The following STARD13 variants were observed in gnomAD, a reference collection of about 807,000 sequenced individuals.
STARD13 encodes the protein stAR-related lipid transfer protein 13.
Under a neutral mutation model 106.4 loss-of-function variants are expected in STARD13, and 62 were observed. The ratio of observed to expected loss-of-function variants is 0.58; its 90% CI spans 0.48 to 0.72. The LOEUF (loss-of-function observed/expected upper bound fraction) is 0.72. Among genes scored for constraint, STARD13 ranks in the 30% least tolerant of loss-of-function variants. The pLI, the probability that STARD13 is intolerant of heterozygous loss-of-function variation, is 0.00. For missense variants in STARD13, 1,387 were observed against 1,424.0 expected (o/e 0.97, Z 0.42); for synonymous variants, 565 against 553.0 (o/e 1.02, Z -0.31).
At chr13:33,307,799 G>A (rs569295024) in intron 1 of STARD13, among the ~76,000 whole-genome samples, 1 of 152,288 alleles carries the variant, frequency 6.6e-6, no homozygotes, top group African/African-American at 2.4e-5. Context: ...TCCTACGCAT[G>A]TATCCTGGAA....
At chr13:33,456,791 C>T in the STARD13 span, among the ~76,000 whole-genome samples, 3 of 152,194 alleles carry the variant, frequency 2.0e-5, no homozygotes, top group Admixed American at 1.3e-4. Context: ...AACCAGAAAG[C>T]AGGCACTGAA....
At chr13:33,311,541 C>T (rs1336781908) in intron 1 of STARD13, among the ~76,000 whole-genome samples, 1 of 152,190 alleles carries the variant, frequency 6.6e-6, no homozygotes, top group Non-Finnish European at 1.5e-5. Flanking sequence ...TTGCAAAATG[C>T]AGATAGGAGA....
chr13:33,551,618 A>ATTT, the STARD13 span, among the ~76,000 whole-genome samples: 1 of 58,840 alleles, frequency 1.7e-5, no homozygotes, highest in African/African-American at 6.3e-5. Flanking sequence ...TTTTTTTTTG[A>ATTT]GTTGGAGTCT....
rs1457474060 is a variant in STARD13 at position 33,105,614 on chromosome 13, C to T, written c.3321G>A (p.Glu1107=). The T allele has an allele frequency of 2.5e-6, 4 of 1,614,052 alleles. No individual in the cohort carries two copies. The highest frequency in any genetic ancestry group is 3.3e-5 in the Admixed American group (2 of 60,028). Residue 1107 remains glutamate, a synonymous_variant, in exon 14 of 14, where the codon GAG becomes GAA. Coordinates refer to ENST00000336934, the MANE Select transcript of STARD13 (RefSeq NM_178006.4). ...IRNSFQPLIA[E]GPETKI ...AAACTCAGATTTTAGTTTCTGGGCC[C>T]TCAGCAATGAGGGGCTGGAAAGAGT...
chr13:33,148,707 T>C (rs1184109927), intron 3 of STARD13, among the ~76,000 whole-genome samples: 1 of 152,188 alleles, frequency 6.6e-6, no homozygotes, highest in Non-Finnish European at 1.5e-5. Context: ...ACTCGAGAAA[T>C]TGCACTTCTA....
At chr13:33,675,644 G>A in the STARD13 span, among the ~76,000 whole-genome samples, 2 of 152,128 alleles carry the variant, frequency 1.3e-5, no homozygotes, top group East Asian at 3.9e-4. Context: ...GTACAGTGAG[G>A]GTTTGGAGAT....
intron 8 of STARD13, among the ~76,000 whole-genome samples, chr13:33,117,069 T>G (rs1328631750): frequency 6.6e-5 from 10 of 152,192 alleles, no homozygotes; most frequent in Admixed American, 6.5e-4. Context: ...TAATTCATAA[T>G]GTTAACATTG....
the STARD13 span, among the ~76,000 whole-genome samples, chr13:33,457,050 GT>G: frequency 6.6e-6 from 1 of 152,238 alleles, no homozygotes; most frequent in Non-Finnish European, 1.5e-5. Flanking sequence ...GTGACAGAGT[GT>G]TTGTGACAAG....
At chr13:33,397,625 GTA>G in the STARD13 span, among the ~76,000 whole-genome samples, 6 of 152,308 alleles carry the variant, frequency 3.9e-5, no homozygotes, top group African/African-American at 1.4e-4. Context: ...TGACAGAGAT[GTA>G]GCTTTCTGGA....
chr13:33,242,596 A>G (rs1889584285), intron 1 of STARD13, among the ~76,000 whole-genome samples: 1 of 152,180 alleles, frequency 6.6e-6, no homozygotes, highest in African/African-American at 2.4e-5. Context: ...TCAAGTACCC[A>G]GGGACACAAA....
the STARD13 span, among the ~76,000 whole-genome samples, chr13:33,655,023 A>G: frequency 1.3e-5 from 2 of 152,338 alleles, no homozygotes; most frequent in Admixed American, 6.5e-5. Context: ...TGTGTTAAGA[A>G]CTAGATACAC....
At chr13:33,499,617 TTCTTCTTCTTCTTCTTC>T in the STARD13 span, among the ~76,000 whole-genome samples, 1 of 111,396 alleles carries the variant, frequency 9.0e-6, no homozygotes, top group African/African-American at 4.6e-5. Context: ...CTTCTTCTTC[TTCTTCTTCTTCTTCTTC>T]TTCTTCTTCT....
chr13:33,119,188 A>G (rs115442444), intron 7 of STARD13, among the ~76,000 whole-genome samples: 498 of 152,316 alleles, frequency 3.3e-3, no homozygotes, highest in African/African-American at 0.011. Context: ...CCGCTATTCA[A>G]AAAGGAACTG....
chr13:33,399,034 T>G, the STARD13 span, among the ~76,000 whole-genome samples: 1 of 151,888 alleles, frequency 6.6e-6, no homozygotes, highest in Non-Finnish European at 1.5e-5. Flanking sequence ...TTATAATCTA[T>G]CCATAGAAAA....
At chr13:33,363,168 T>G in the STARD13 span, among the ~76,000 whole-genome samples, 1 of 152,236 alleles carries the variant, frequency 6.6e-6, no homozygotes, top group Non-Finnish European at 1.5e-5. Context: ...GCATTCCTCA[T>G]CTTGTCTCAT....
the STARD13 span, among the ~76,000 whole-genome samples, chr13:33,406,202 A>G: frequency 6.6e-6 from 1 of 152,248 alleles, no homozygotes; most frequent in African/African-American, 2.4e-5. Flanking sequence ...ACCTAAGGCT[A>G]ACAAGGGCTT....
At position 33,103,346 on chromosome 13, in the gene STARD13, C is replaced by T. The variant is rs1283635220; in HGVS notation, c.*2247G>A. ...TATTTGACAAACAAGCTTGATGCAT[C>T]GTTTTTTCTCCTTTTTTTCCCTTTT... On this transcript the variant is annotated 3_prime_UTR_variant, in exon 14 of 14. Transcript: ENST00000336934. 2.0e-5 allele frequency: 3 copies of T among 152,558 alleles called. No individual in the cohort carries two copies. Among genetic ancestry groups the T allele is most frequent in the Non-Finnish European group, 4.4e-5 (3 of 68,022 alleles). The allele number at this position is 152,558 out of a possible 1,614,324, so 9.5% of individuals were successfully genotyped here. A position where few individuals can be genotyped will look rare whatever the true frequency, so the allele number is the denominator to read the frequency against.
At chr13:33,332,941 A>C (rs1388445047) in intron 1 of STARD13, among the ~76,000 whole-genome samples, 1 of 152,146 alleles carries the variant, frequency 6.6e-6, no homozygotes, top group Non-Finnish European at 1.5e-5. Flanking sequence ...GAACCTTGCA[A>C]TCTTCGTAAA....
At chr13:33,483,418 A>C in the STARD13 span, among the ~76,000 whole-genome samples, 1 of 152,226 alleles carries the variant, frequency 6.6e-6, no homozygotes, top group Non-Finnish European at 1.5e-5. Context: ...AAGTTTAAGA[A>C]TTTCCAAAAA....
Sources: allele counts gnomAD v4.1 joint callset (sites outside exome capture counted in the v4.1 genomes callset), GRCh38; gene constraint gnomAD v4.1.1; transcripts MANE v1.5; gene names NCBI Gene and HGNC (gene_info 2026-07-23, HGNC 2026-07-21).